ITPR2: variants seen among roughly 807,000 people sequenced by gnomAD.
The protein encoded by ITPR2 is inositol 1,4,5-trisphosphate-gated calcium channel ITPR2.
ITPR2 carries 207 observed loss-of-function variants against 317.1 expected under a neutral mutation model. That is an observed-to-expected ratio of 0.65 (90% CI 0.58 to 0.73). The LOEUF (loss-of-function observed/expected upper bound fraction) is 0.73, where lower values mean the gene tolerates loss of function less well. Among genes scored for constraint, ITPR2 ranks in the 30% least tolerant of loss-of-function variants. The pLI, the probability that ITPR2 is intolerant of heterozygous loss-of-function variation, is 0.00. For missense variants in ITPR2, 2,613 were observed against 3,284.0 expected, an observed-to-expected ratio of 0.80 and a Z score of 4.99; for synonymous variants, 1,156 against 1,149.1, an observed-to-expected ratio of 1.01 and a Z score of -0.12.
At chr12:26,721,174 A>T (rs1392835384) in intron 5 of ITPR2, 1 of 437,778 alleles carries the variant, frequency 2.3e-6, no homozygotes, top group Non-Finnish European at 4.1e-6. Context: ...CACAGCACAC[A>T]TCACCTGATG....
chr12:26,627,771 G>C (rs750374724), intron 23 of ITPR2, among the ~76,000 whole-genome samples: 11 of 152,064 alleles, frequency 7.2e-5, no homozygotes, highest in Non-Finnish European at 1.5e-4. Flanking sequence ...AGGGCCTGTC[G>C]GTGGGTGGCG....
At position 26,443,661 on chromosome 12, in the gene ITPR2, G is replaced by GA. The variant is rs755722934; in HGVS notation, c.6343-12dup. 6.2e-7 allele frequency: 1 copy of GA among 1,608,716 alleles called. No homozygotes were observed. ...ATTGTGGCGGGCCAACTAGAGTAGGGAAAAAATAAAGGTTTTAGGTCTTCT... is the reference window on the plus strand; with the variant it reads ...ATTGTGGCGGGCCAACTAGAGTAGGGAAAAAAATAAAGGTTTTAGGTCTTCT... On this transcript the variant is annotated splice_polypyrimidine_tract_variant and intron_variant, in intron 45 of 56. Coordinates refer to ENST00000381340, the MANE Select transcript of ITPR2 (RefSeq NM_002223.4).
rs781470918 is a variant in ITPR2 at position 26,556,266 on chromosome 12, T to C, written c.4931A>G (p.Asp1644Gly). The change falls in exon 36 of 57, where the codon GAT becomes GGT. Residue 1644 changes from aspartate (D) to glycine (G), a missense_variant. Transcript: ENST00000381340. ...SPELLFPEGS[D>G]ARIRCGAFMS... ...GAAAGCGCCACATCTTATTCTTGCA[T>C]CGCTTCCCTCAGGGAACAGCAGTTC... The C allele has an allele frequency of 1.9e-6, 3 of 1,613,854 alleles. No individual in the cohort carries two copies. The highest frequency in any genetic ancestry group is 2.5e-6 in the Non-Finnish European group (3 of 1,179,904).
intron 8 of ITPR2, among the ~76,000 whole-genome samples, chr12:26,712,214 G>T (rs1948656620): frequency 6.6e-6 from 1 of 152,156 alleles, no homozygotes; most frequent in Non-Finnish European, 1.5e-5. Flanking sequence ...TTGTGAAGAT[G>T]AAATATCATA....
At chr12:26,597,214 G>T in intron 30 of ITPR2, 80 bp from the exon 31 acceptor site, 1 of 1,412,752 alleles carries the variant, frequency 7.1e-7, no homozygotes. Context: ...GATATATCTG[G>T]AAACACGTAT....
chr12:26,797,457 T>C (rs1950468279), intron 1 of ITPR2, among the ~76,000 whole-genome samples: 1 of 152,234 alleles, frequency 6.6e-6, no homozygotes. Context: ...GAATATATTA[T>C]AAAATCAGCA....
intron 39 of ITPR2, among the ~76,000 whole-genome samples, 183 bp from the exon 40 acceptor site, chr12:26,487,434 G>T (rs895622251): frequency 6.6e-6 from 1 of 152,070 alleles, no homozygotes; most frequent in East Asian, 1.9e-4. Flanking sequence ...ATAATAGTTG[G>T]TATTTACTTA....
At chr12:26,433,407 C>T (rs1351971311) in intron 48 of ITPR2, among the ~76,000 whole-genome samples, 1 of 152,044 alleles carries the variant, frequency 6.6e-6, no homozygotes, top group East Asian at 1.9e-4. Context: ...AAACTTATAC[C>T]TCCCATAACT....
chr12:26,688,213 A>G (rs914997702), intron 10 of ITPR2, among the ~76,000 whole-genome samples: 2 of 151,996 alleles, frequency 1.3e-5, no homozygotes. Flanking sequence ...AACAATTTTT[A>G]TAATTGTTGT....
chr12:26,639,823 G>C (rs1222126450), intron 21 of ITPR2, among the ~76,000 whole-genome samples: 1 of 151,898 alleles, frequency 6.6e-6, no homozygotes, highest in Non-Finnish European at 1.5e-5. Flanking sequence ...TGGCTGCATA[G>C]TATTCCATGG....
intron 37 of ITPR2, among the ~76,000 whole-genome samples, chr12:26,532,974 C>A (rs1385469843): frequency 1.3e-5 from 2 of 152,206 alleles, no homozygotes; most frequent in African/African-American, 4.8e-5. Flanking sequence ...GCGTGAGCCA[C>A]CGTGCCCGGC....
At chr12:26,581,493 C>A (rs1413999001) in intron 32 of ITPR2, among the ~76,000 whole-genome samples, 1 of 152,028 alleles carries the variant, frequency 6.6e-6, no homozygotes, top group Non-Finnish European at 1.5e-5. Context: ...AATTATGTAA[C>A]CTTCTAGTTA....
At chr12:26,508,549 T>C (rs759830421) in intron 37 of ITPR2, among the ~76,000 whole-genome samples, 3 of 152,090 alleles carry the variant, frequency 2.0e-5, no homozygotes, top group Non-Finnish European at 4.4e-5. Flanking sequence ...TTGATAGAGA[T>C]GAGAGGTATA....
rs116120874 is a variant in ITPR2, at chr12:26,720,898, C to T, written c.525+1499G>A. Among the ~76,000 whole-genome samples, 976 of 152,220 alleles carry T rather than the reference C, an allele frequency of 6.4e-3. 10 individuals are homozygous for T. The highest frequency in any genetic ancestry group is 0.022 in the African/African-American group (901 of 41,534). On this transcript the variant is annotated intron_variant, in intron 5 of 56. Transcript: ENST00000381340. ...AGATAGGATGAATTAATATAATCCACGGCTAATTTAAAAACTCCAATTCAT... is the reference window on the plus strand; with the variant it reads ...AGATAGGATGAATTAATATAATCCATGGCTAATTTAAAAACTCCAATTCAT...
chr12:26,343,880 T>C (rs1335743394), intron 55 of ITPR2, among the ~76,000 whole-genome samples: 1 of 152,160 alleles, frequency 6.6e-6, no homozygotes, highest in Non-Finnish European at 1.5e-5. Context: ...ACCAAGGGGC[T>C]AAAGGAGAAG....
intron 27 of ITPR2, 25 bp downstream of exon 27, chr12:26,602,592 A>G: frequency 6.3e-7 from 1 of 1,582,284 alleles, no homozygotes; most frequent in African/African-American, 1.3e-5. Context: ...ATAAACCTAT[A>G]TAAGAATATT....
intron 3 of ITPR2, 113 bp from the exon 4 acceptor site, chr12:26,724,855 T>C (rs17480721): frequency 0.19 from 119,574 of 636,530 alleles, 13,777 homozygotes; most frequent in Non-Finnish European, 0.24. Flanking sequence ...AATAGGCTAG[T>C]AGTAGAGTCA....
chr12:26,478,262 C>T (rs1468596720), intron 43 of ITPR2, among the ~76,000 whole-genome samples: 6 of 151,976 alleles, frequency 3.9e-5, no homozygotes, highest in Admixed American at 6.6e-5. Flanking sequence ...TATGAAAAGA[C>T]GTCAGTATTT....
intron 26 of ITPR2, among the ~76,000 whole-genome samples, chr12:26,609,808 T>C (rs1288116286): frequency 1.3e-5 from 2 of 152,214 alleles, no homozygotes; most frequent in Non-Finnish European, 2.9e-5. Context: ...CATTTAAGAA[T>C]TTATATTATA....
Sources: allele counts gnomAD v4.1 joint callset (sites outside exome capture counted in the v4.1 genomes callset), GRCh38; gene constraint gnomAD v4.1.1; transcripts MANE v1.5; gene names NCBI Gene and HGNC (gene_info 2026-07-23, HGNC 2026-07-21).